PCDH9: variants seen among roughly 807,000 people sequenced by gnomAD.
The protein encoded by PCDH9 is protocadherin-9.
A neutral mutation model predicts 70.6 loss-of-function variants in PCDH9; 24 were observed. That is an observed-to-expected ratio of 0.34 (90% CI 0.25 to 0.48). PCDH9 has a LOEUF of 0.48. PCDH9 is among the 20% of genes least tolerant of loss of function. The pLI is 0.99. For missense variants in PCDH9, 1,281 were observed against 1,503.6 expected, an observed-to-expected ratio of 0.85 and a Z score of 2.45; for synonymous variants, 562 against 558.5, an observed-to-expected ratio of 1.01 and a Z score of -0.09.
chr13:66,481,196 C>T (rs916693885), intron 4 of PCDH9, among the ~76,000 whole-genome samples: 1 of 151,584 alleles, frequency 6.6e-6, no homozygotes, highest in Non-Finnish European at 1.5e-5. Flanking sequence ...GGAGAAATAC[C>T]TAATGCAAAT....
chr13:66,508,471 C>G (rs896151673), intron 4 of PCDH9, among the ~76,000 whole-genome samples: 3 of 152,164 alleles, frequency 2.0e-5, no homozygotes, highest in African/African-American at 7.2e-5. Flanking sequence ...AGTCAGATAA[C>G]AGACATTGAA....
rs1390485542 is a variant in PCDH9, at chr13:66,427,854, A to T, written c.3341-122826T>A. 2.6e-5 allele frequency among the ~76,000 whole-genome samples: 4 copies of T among 151,698 alleles called. No individual in the cohort carries two copies. The East Asian group carries it at 7.7e-4, about 29-fold the overall frequency. ...GTAAAGTGTTCGGTTAGTCATTCTT[A>T]ACTCCCAGGAGATATTTCATACTAA... On this transcript the variant is annotated intron_variant, in intron 4 of 4. Transcript: ENST00000377865.
intron 4 of PCDH9, among the ~76,000 whole-genome samples, chr13:66,454,371 T>C (rs1000849781): frequency 6.6e-6 from 1 of 152,168 alleles, no homozygotes; most frequent in African/African-American, 2.4e-5. Flanking sequence ...CAAGTTCACT[T>C]GACATACAAT....
intron 4 of PCDH9, among the ~76,000 whole-genome samples, chr13:66,493,188 A>T (rs1959059986): frequency 6.6e-6 from 1 of 152,232 alleles, no homozygotes; most frequent in Admixed American, 6.5e-5. Context: ...GACTTGAAGT[A>T]AATCTCACAT....
intron 4 of PCDH9, among the ~76,000 whole-genome samples, chr13:66,341,895 G>A (rs1422975278): frequency 3.9e-5 from 6 of 152,186 alleles, no homozygotes; most frequent in East Asian, 1.9e-4. Context: ...GTGTACTTAC[G>A]TGCACTTTGC....
chr13:67,224,187 T>C (rs2089794351), intron 2 of PCDH9: 1 of 152,246 alleles, frequency 6.6e-6, no homozygotes, highest in Non-Finnish European at 1.5e-5. Flanking sequence ...AGATGGGCCA[T>C]CACCATAGGT....
chr13:66,526,171 T>C (rs1313587187), intron 4 of PCDH9, among the ~76,000 whole-genome samples: 3 of 152,118 alleles, frequency 2.0e-5, no homozygotes, highest in African/African-American at 7.2e-5. Flanking sequence ...GGAGAATGCT[T>C]CTACAAACAG....
At chr13:66,893,983 T>A (rs2082135959) in intron 3 of PCDH9, among the ~76,000 whole-genome samples, 2 of 152,138 alleles carry the variant, frequency 1.3e-5, no homozygotes, top group Admixed American at 6.6e-5. Flanking sequence ...AATTCCCTCA[T>A]AAAATCCATT....
intron 4 of PCDH9, among the ~76,000 whole-genome samples, chr13:66,473,723 A>G (rs1413579): frequency 0.36 from 54,788 of 151,992 alleles, 10,105 homozygotes; most frequent in Middle Eastern, 0.42. Context: ...AGCGAGCTAA[A>G]GCTCAAGTTA....
At chr13:66,841,096 A>G (rs2081109655) in intron 3 of PCDH9, among the ~76,000 whole-genome samples, 1 of 152,162 alleles carries the variant, frequency 6.6e-6, no homozygotes, top group African/African-American at 2.4e-5. Flanking sequence ...AGGATAATTT[A>G]TTTTTCAAAA....
At chr13:66,349,688 T>C (rs1425430456) in intron 4 of PCDH9, among the ~76,000 whole-genome samples, 5 of 152,070 alleles carry the variant, frequency 3.3e-5, no homozygotes, top group African/African-American at 1.2e-4. Context: ...GGTGCTACCT[T>C]TACCTGGCTT....
chr13:66,926,772 A>G (rs986274847), intron 2 of PCDH9, among the ~76,000 whole-genome samples: 2 of 152,094 alleles, frequency 1.3e-5, no homozygotes, highest in African/African-American at 4.8e-5. Flanking sequence ...GCTACACACT[A>G]CAATTTTTTG....
At chr13:66,399,954 T>A (rs1957160354) in intron 4 of PCDH9, among the ~76,000 whole-genome samples, 1 of 151,544 alleles carries the variant, frequency 6.6e-6, no homozygotes, top group African/African-American at 2.4e-5. Context: ...TATTTTGATT[T>A]TCTGACTTTC....
At chr13:66,819,534 T>G (rs531210903) in intron 3 of PCDH9, among the ~76,000 whole-genome samples, 1 of 152,170 alleles carries the variant, frequency 6.6e-6, no homozygotes, top group African/African-American at 2.4e-5. Flanking sequence ...ACACTTCTCA[T>G]TGGACTTTCA....
At chr13:66,807,615 A>G (rs1451983385) in intron 3 of PCDH9, among the ~76,000 whole-genome samples, 1 of 152,106 alleles carries the variant, frequency 6.6e-6, no homozygotes, top group Non-Finnish European at 1.5e-5. Flanking sequence ...AGATGTTTAC[A>G]CAATGCACAG....
chr13:66,785,383 T>C (rs2080063200), intron 3 of PCDH9, among the ~76,000 whole-genome samples: 1 of 152,056 alleles, frequency 6.6e-6, no homozygotes. Context: ...GAGTGTATTA[T>C]TTTACAGTAC....
intron 2 of PCDH9, among the ~76,000 whole-genome samples, chr13:66,917,173 G>A (rs2082570165): frequency 2.0e-5 from 3 of 151,456 alleles, no homozygotes; most frequent in Non-Finnish European, 4.4e-5. Flanking sequence ...ACTTAGTCAA[G>A]TTAGACATAG....
chr13:66,464,147 G>A (rs1958474266), intron 4 of PCDH9, among the ~76,000 whole-genome samples: 1 of 151,458 alleles, frequency 6.6e-6, no homozygotes, highest in Non-Finnish European at 1.5e-5. Flanking sequence ...TCAGATTCAA[G>A]TGTTTAACCC....
intron 2 of PCDH9, among the ~76,000 whole-genome samples, chr13:66,915,947 C>A (rs868680879): frequency 1.3e-5 from 2 of 151,548 alleles, no homozygotes; most frequent in Non-Finnish European, 3.0e-5. Context: ...GAATTTGTAG[C>A]AATTCCTTTC....
Sources: allele counts gnomAD v4.1 joint callset (sites outside exome capture counted in the v4.1 genomes callset), GRCh38; gene constraint gnomAD v4.1.1; transcripts MANE v1.5; gene names NCBI Gene and HGNC (gene_info 2026-07-23, HGNC 2026-07-21).